The following SNX7 variants were observed in gnomAD, a reference collection of about 807,000 sequenced individuals.
SNX7 encodes the protein sorting nexin-7.
A neutral mutation model predicts 48.4 loss-of-function variants in SNX7; 35 were observed. That is an observed-to-expected ratio of 0.72 (90% CI 0.55 to 0.96). SNX7 has a LOEUF of 0.96. Among genes scored for constraint, SNX7 ranks in the 40% least tolerant of loss-of-function variants. The pLI, the probability that SNX7 is intolerant of heterozygous loss-of-function variation, is 0.00. For missense variants in SNX7, 553 were observed against 548.9 expected (o/e 1.01, Z -0.07); for synonymous variants, 190 against 190.2 (o/e 1.00, Z 0.01).
At chr1:98,733,201 C>T (rs945258121) in intron 7 of SNX7, among the ~76,000 whole-genome samples, 40 of 141,752 alleles carry the variant, frequency 2.8e-4, no homozygotes, top group African/African-American at 9.7e-4. Context: ...CACTGTTAAC[C>T]TTCAGGCCAT....
chr1:98,720,899 C>G (rs956705576), intron 7 of SNX7, among the ~76,000 whole-genome samples: 3 of 152,076 alleles, frequency 2.0e-5, no homozygotes, highest in Middle Eastern at 3.4e-3. Flanking sequence ...GGGATTCAGA[C>G]AGAAAAGAGA....
chr1:98,696,431 T>C (rs1422198051), intron 5 of SNX7, among the ~76,000 whole-genome samples: 1 of 152,116 alleles, frequency 6.6e-6, no homozygotes, highest in Non-Finnish European at 1.5e-5. Context: ...CTGGGAAATA[T>C]CTTATTTCTA....
Position 98,685,887 on chromosome 1 carries a change from G to A in SNX7, c.363+820G>A, listed in dbSNP as rs1650767879. Among the ~76,000 whole-genome samples the A allele has an allele frequency of 2.6e-5, 4 of 151,640 alleles. No homozygotes were observed. In the South Asian group the frequency reaches 8.3e-4, roughly 32 times the overall value. On this transcript the variant is annotated intron_variant, in intron 2 of 8. Transcript: ENST00000306121. ...CTTGAATTCTTAAAATCCTTTCTTG[G>A]CCCCTTATTTCAGGCAGAGCAAAGT...
At chr1:98,701,363 A>G (rs1651737371) in intron 6 of SNX7, among the ~76,000 whole-genome samples, 1 of 152,102 alleles carries the variant, frequency 6.6e-6, no homozygotes. Context: ...TTCCTGTTTG[A>G]TTATCTGATC....
intron 7 of SNX7, among the ~76,000 whole-genome samples, chr1:98,706,269 G>GCT (rs2100982995): frequency 1.3e-5 from 2 of 152,218 alleles, no homozygotes; most frequent in African/African-American, 4.8e-5. Flanking sequence ...GAGGAGCAGT[G>GCT]CAATTTAGGA....
At chr1:98,730,270 G>A (rs1003878502) in intron 7 of SNX7, among the ~76,000 whole-genome samples, 7 of 151,912 alleles carry the variant, frequency 4.6e-5, no homozygotes, top group Non-Finnish European at 1.0e-4. Flanking sequence ...CAAAATAATA[G>A]GAGCCGTTTA....
At chr1:98,707,096 C>G (rs1170963121) in intron 7 of SNX7, among the ~76,000 whole-genome samples, 2 of 152,116 alleles carry the variant, frequency 1.3e-5, no homozygotes, top group Non-Finnish European at 2.9e-5. Flanking sequence ...TTTATCCTGT[C>G]AGAGCCTTGG....
chr1:98,756,133 T>G lies in SNX7; in HGVS notation c.1279-3921T>G, dbSNP rs186504260. Among the ~76,000 whole-genome samples, 197 of 152,120 alleles carry G rather than the reference T, an allele frequency of 1.3e-3. 2 individuals carry two copies. Among genetic ancestry groups the G allele is most frequent in the African/African-American group, 4.6e-3 (191 of 41,560 alleles). ...GTGGTTATTTTTAGGTTACTGTATG[T>G]GTCTTAAATTTATCATAGTCTACCT... On this transcript the variant is annotated intron_variant, in intron 8 of 8. Transcript: ENST00000306121.
intron 8 of SNX7, among the ~76,000 whole-genome samples, chr1:98,740,936 A>G (rs1429987172): frequency 6.6e-6 from 1 of 152,174 alleles, no homozygotes; most frequent in African/African-American, 2.4e-5. Context: ...TCCTGAGTGG[A>G]AAACTTTTAA....
chr1:98,689,000 G>T (rs908283456), intron 2 of SNX7, among the ~76,000 whole-genome samples: 1 of 152,098 alleles, frequency 6.6e-6, no homozygotes, highest in Non-Finnish European at 1.5e-5. Context: ...TGCCTCCTGG[G>T]TTCAAGTGAT....
intron 4 of SNX7, among the ~76,000 whole-genome samples, chr1:98,694,096 C>T (rs1224213792): frequency 1.2e-4 from 19 of 152,150 alleles, no homozygotes; most frequent in Admixed American, 4.6e-4. Flanking sequence ...CTCAGCTGGG[C>T]GCGGTGGCTC....
intron 8 of SNX7, 58 bp from the exon 9 acceptor site, chr1:98,759,996 C>T: frequency 8.9e-7 from 1 of 1,129,388 alleles, no homozygotes; most frequent in Non-Finnish European, 1.4e-6. Flanking sequence ...TTTATTAATC[C>T]TTTAACACTG....
intron 7 of SNX7, among the ~76,000 whole-genome samples, chr1:98,713,730 C>T (rs1052544794): frequency 1.1e-4 from 17 of 151,988 alleles, no homozygotes; most frequent in South Asian, 2.1e-4. Context: ...TCAGGGAATA[C>T]GAAGGAGAGG....
chr1:98,691,443 T>C (rs941053321), intron 3 of SNX7, 92 bp from the exon 4 acceptor site: 9 of 1,059,670 alleles, frequency 8.5e-6, no homozygotes. Flanking sequence ...GATCAGATGT[T>C]CAACTAGTCT....
chr1:98,759,794 A>G (rs1475474862), intron 8 of SNX7, among the ~76,000 whole-genome samples: 2 of 151,994 alleles, frequency 1.3e-5, no homozygotes, highest in African/African-American at 4.8e-5. Flanking sequence ...TTTTTCTCTT[A>G]ATATGGGGTA....
intron 7 of SNX7, among the ~76,000 whole-genome samples, chr1:98,732,051 T>C (rs1276599271): frequency 6.6e-6 from 1 of 152,136 alleles, no homozygotes; most frequent in Non-Finnish European, 1.5e-5. Flanking sequence ...ACCGTTTCTA[T>C]TGAATGTGGT....
Position 98,698,192 on chromosome 1 carries a change from G to A in SNX7, c.839-514G>A, listed in dbSNP as rs559516707. 9.2e-5 allele frequency among the ~76,000 whole-genome samples: 14 copies of A among 152,242 alleles called. 2 individuals carry two copies. The South Asian group carries it at 2.7e-3, about 29-fold the overall frequency. On this transcript the variant is annotated intron_variant, in intron 5 of 8. Coordinates refer to ENST00000306121, the MANE Select transcript of SNX7 (RefSeq NM_015976.5). Reference sequence around the variant, plus strand: ...GGTGGAAGTGAAGATAAGTACATAGGTAGATGGATAGTTTAAGATCTCGAA... The same window carrying A: ...GGTGGAAGTGAAGATAAGTACATAGATAGATGGATAGTTTAAGATCTCGAA...
chr1:98,691,997 TA>T (rs537653207), intron 4 of SNX7, among the ~76,000 whole-genome samples: 1 of 151,214 alleles, frequency 6.6e-6, no homozygotes, highest in Non-Finnish European at 1.5e-5. Flanking sequence ...GCTTCTTGCA[TA>T]AATAGCAAAT....
rs897980557 is a variant in SNX7 at position 98,691,204 on chromosome 1, T to G, written c.474+19T>G. The G allele has an allele frequency of 2.6e-6, 4 of 1,540,934 alleles. No individual in the cohort carries two copies. The African/African-American group carries it at 5.5e-5, about 21-fold the overall frequency. On this transcript the variant is annotated intron_variant, in intron 3 of 8. Coordinates refer to ENST00000306121, the MANE Select transcript of SNX7 (RefSeq NM_015976.5). Reference sequence around the variant, plus strand: ...TATTCCAGTAAGTTTGCAAAATTTTTTTTTTCATAGAATAGCTACCAGTTT... The same window carrying G: ...TATTCCAGTAAGTTTGCAAAATTTTGTTTTTCATAGAATAGCTACCAGTTT...
Sources: allele counts gnomAD v4.1 joint callset (sites outside exome capture counted in the v4.1 genomes callset), GRCh38; gene constraint gnomAD v4.1.1; transcripts MANE v1.5; gene names NCBI Gene and HGNC (gene_info 2026-07-23, HGNC 2026-07-21).